Variants in SERPINB12 observed in about 807,000 individuals in gnomAD.
SERPINB12 encodes serpin B12.
Under a neutral mutation model 41.1 loss-of-function variants are expected in SERPINB12, and 57 were observed. The observed-to-expected ratio is 1.39, with a 90% CI of 1.12 to 1.73. SERPINB12 has a LOEUF of 1.73. Among genes scored for constraint, SERPINB12 ranks in the 40% most tolerant of loss-of-function variants. SERPINB12 has a pLI of 0.00. For missense variants in SERPINB12, 536 were observed against 501.9 expected (o/e 1.07, Z -0.65); for synonymous variants, 180 against 181.3 (o/e 0.99, Z 0.06).
chr18:63,542,238 G>A (rs1193970813), upstream of SERPINB12, among the ~76,000 whole-genome samples: 1 of 152,172 alleles, frequency 6.6e-6, no homozygotes, highest in African/African-American at 2.4e-5. Flanking sequence ...GAGTGATAAT[G>A]TAGAGATAAT....
intron 1 of SERPINB12, among the ~76,000 whole-genome samples, chr18:63,553,040 A>C (rs116503113): frequency 1.3e-5 from 2 of 152,142 alleles, no homozygotes; most frequent in East Asian, 3.9e-4. Flanking sequence ...GTGAGGCAGC[A>C]TTAAAGCTGC....
At chr18:63,551,406 A>T (rs947391905) in intron 1 of SERPINB12, among the ~76,000 whole-genome samples, 3 of 151,826 alleles carry the variant, frequency 2.0e-5, no homozygotes, top group African/African-American at 7.3e-5. Flanking sequence ...GCTCACTGCA[A>T]CCTCTGCCTC....
At chr18:63,545,007 T>C (rs1910353017) in intron 1 of SERPINB12, among the ~76,000 whole-genome samples, 1 of 152,158 alleles carries the variant, frequency 6.6e-6, no homozygotes, top group Non-Finnish European at 1.5e-5. Context: ...ATCATATCAT[T>C]TTGCATCATA....
intron 1 of SERPINB12, among the ~76,000 whole-genome samples, chr18:63,547,753 G>C (rs1910422064): frequency 6.6e-6 from 1 of 151,948 alleles, no homozygotes; most frequent in Non-Finnish European, 1.5e-5. Flanking sequence ...ATTGCAGTAA[G>C]TGAACTTTTT....
intron 1 of SERPINB12, among the ~76,000 whole-genome samples, chr18:63,549,721 C>T (rs976693103): frequency 2.0e-5 from 3 of 152,268 alleles, no homozygotes. Flanking sequence ...TCACGGCCGT[C>T]CTGAGATGGA....
At chr18:63,561,770 A>G (rs1426484980) in intron 5 of SERPINB12, among the ~76,000 whole-genome samples, 1 of 152,212 alleles carries the variant, frequency 6.6e-6, no homozygotes, top group Non-Finnish European at 1.5e-5. Flanking sequence ...CCATAATCCT[A>G]TGAATTAACA....
the SERPINB12 span, among the ~76,000 whole-genome samples, chr18:63,524,492 G>T: frequency 6.6e-6 from 1 of 152,034 alleles, no homozygotes; most frequent in African/African-American, 2.4e-5. Flanking sequence ...GTTCCACCAC[G>T]TTGGCCAGGC....
Position 63,567,021 on chromosome 18 carries a change from A to G in SERPINB12, c.*10A>G. On this transcript the variant is annotated 3_prime_UTR_variant, in exon 8 of 8. Transcript: ENST00000382768. Reference sequence around the variant, plus strand: ...GGTCTGCTCTCCTTAAAAGGGGAGCAGTGTCTAGTACTTTGGAGCTGGAGG... The same window carrying G: ...GGTCTGCTCTCCTTAAAAGGGGAGCGGTGTCTAGTACTTTGGAGCTGGAGG... 1 of 1,559,170 alleles carries G rather than the reference A, an allele frequency of 6.4e-7. No homozygotes were observed. The highest frequency in any genetic ancestry group is 8.6e-7 in the Non-Finnish European group (1 of 1,157,432).
At chr18:63,519,375 T>C in the SERPINB12 span, among the ~76,000 whole-genome samples, 1 of 152,260 alleles carries the variant, frequency 6.6e-6, no homozygotes, top group Non-Finnish European at 1.5e-5. Context: ...GTGGATCTAC[T>C]CTGTACCAGC....
the SERPINB12 span, among the ~76,000 whole-genome samples, chr18:63,530,587 C>T: frequency 6.6e-6 from 1 of 152,210 alleles, no homozygotes; most frequent in South Asian, 2.1e-4. Context: ...GGCTGTCCCA[C>T]TGCTGCCTTG....
At position 63,567,042 on chromosome 18, in the gene SERPINB12, G is replaced by A; in HGVS notation, c.*31G>A. The stretch of plus-strand genomic sequence containing the variant: ...GAGCAGTGTCTAGTACTTTGGAGCT[G>A]GAGGAAAATATCAATACAATCTTCC... On this transcript the variant is annotated 3_prime_UTR_variant, in exon 8 of 8. Coordinates refer to ENST00000382768, the MANE Select transcript of SERPINB12 (RefSeq NM_001307928.2). 1 of 1,518,206 alleles carries A rather than the reference G, an allele frequency of 6.6e-7. No homozygotes were observed. The allele number at this position is 1,518,206 out of a possible 1,614,324, so 94.0% of individuals were successfully genotyped here. A position where few individuals can be genotyped will look rare whatever the true frequency, so the allele number is the denominator to read the frequency against.
chr18:63,559,115 G>GT (rs1053712429), intron 3 of SERPINB12, among the ~76,000 whole-genome samples: 4 of 125,610 alleles, frequency 3.2e-5, no homozygotes, highest in Admixed American at 2.5e-4. Flanking sequence ...CTTTCTTTTT[G>GT]TTTTTTCTGA....
At position 63,566,813 on chromosome 18, in the gene SERPINB12, C is replaced by G. The variant is rs761119615; in HGVS notation, c.1080C>G (p.Tyr360Ter). The G allele has an allele frequency of 1.2e-5, 19 of 1,613,976 alleles. No homozygotes were observed. The highest frequency in any genetic ancestry group is 1.5e-5 in the Non-Finnish European group (18 of 1,180,022). Residue 360 changes from tyrosine to a stop codon, truncating the protein, a stop_gained, in exon 8 of 8, where the codon TAC becomes TAG. Coordinates refer to ENST00000382768, the MANE Select transcript of SERPINB12 (RefSeq NM_001307928.2). LOFTEE classifies it high-confidence loss of function. ...GAATCTCTCCAAGTCCCAATTTGTACTTGTCAAAAATTATCCACAAAACCT... is the reference window on the plus strand; with the variant it reads ...GAATCTCTCCAAGTCCCAATTTGTAGTTGTCAAAAATTATCCACAAAACCT... ...LTGISPSPNL[Y>*]LSKIIHKTFV...
chr18:63,528,493 A>G, the SERPINB12 span, among the ~76,000 whole-genome samples: 1 of 152,150 alleles, frequency 6.6e-6, no homozygotes, highest in African/African-American at 2.4e-5. Flanking sequence ...ATACTGCCCT[A>G]GTGTCTTTTA....
chr18:63,561,174 T>G lies in SERPINB12; in HGVS notation c.534T>G (p.Ile178Met). ...QKNPEKSRQE[I>M]NFWVECQSQG... is the part of the protein sequence containing the mutation. ...ACCCTGAAAAATCCAGACAAGAGAT[T>G]AACTTCTGGGTTGAATGTCAATCCC... Residue 178 changes from isoleucine to methionine, a missense_variant, in exon 5 of 8, where the codon ATT becomes ATG. By Grantham distance (10) the Ile-to-Met change is conservative. Coordinates refer to ENST00000382768, the MANE Select transcript of SERPINB12 (RefSeq NM_001307928.2). The G allele has an allele frequency of 1.2e-6, 2 of 1,611,200 alleles. No homozygotes were observed. Among genetic ancestry groups the G allele is most frequent in the East Asian group, 2.2e-5 (1 of 44,850 alleles).
the SERPINB12 span, among the ~76,000 whole-genome samples, chr18:63,534,395 C>T: frequency 2.0e-5 from 3 of 152,120 alleles, no homozygotes; most frequent in African/African-American, 7.2e-5. Flanking sequence ...CAGCTATGTC[C>T]TTGCTGCCTT....
Position 63,568,438 on chromosome 18 carries a change from A to G in SERPINB12, c.*1427A>G, listed in dbSNP as rs1208363857. On this transcript the variant is annotated 3_prime_UTR_variant, in exon 8 of 8. Transcript: ENST00000382768. ...AAAACAAAACCTGAAACCCTTGTCA[A>G]GAAGGCCATTGGGCTCATCTCAAGC... 6.6e-6 allele frequency among the ~76,000 whole-genome samples: 1 copy of G among 152,122 alleles called. No individual in the cohort carries two copies. Among genetic ancestry groups the G allele is most frequent in the Non-Finnish European group, 1.5e-5 (1 of 68,012 alleles).
the SERPINB12 span, among the ~76,000 whole-genome samples, chr18:63,522,617 A>C: frequency 2.0e-5 from 3 of 152,198 alleles, no homozygotes; most frequent in African/African-American, 7.2e-5. Context: ...CTTGATTAGC[A>C]GTTTCACAAA....
chr18:63,533,100 C>T, the SERPINB12 span, among the ~76,000 whole-genome samples: 1 of 152,212 alleles, frequency 6.6e-6, no homozygotes, highest in Middle Eastern at 3.4e-3. Flanking sequence ...GCCTCATCCT[C>T]CTGAATAGCT....
Sources: gnomAD v4.1 joint callset for allele counts (sites outside exome capture counted in the v4.1 genomes callset) on GRCh38, gnomAD v4.1.1 for gene constraint, MANE v1.5 for transcripts, NCBI Gene and HGNC (gene_info 2026-07-23, HGNC 2026-07-21) for gene names.